The following CELF2 variants were observed in gnomAD, a reference collection of about 807,000 sequenced individuals.
CELF2 encodes the protein CUGBP Elav-like family member 2, also known as CUG triplet repeat RNA-binding protein 2.
CELF2 carries 8 observed loss-of-function variants against 62.6 expected under a neutral mutation model. The observed-to-expected ratio is 0.13, with a 90% CI of 0.07 to 0.23. CELF2 has a LOEUF of 0.23. CELF2 is among the 10% of genes least tolerant of loss of function. The probability of loss-of-function intolerance (pLI) is 1.00; values close to 1 mark genes in which losing one functional copy is unlikely to be tolerated. For synonymous variants in CELF2, 258 were observed against 250.0 expected (o/e 1.03, Z -0.30); for missense variants, 333 against 671.0 (o/e 0.50, Z 5.56).
the CELF2 span, among the ~76,000 whole-genome samples, chr10:10,621,809 A>C: frequency 6.6e-6 from 1 of 152,198 alleles, no homozygotes; most frequent in Non-Finnish European, 1.5e-5. Flanking sequence ...TTGCCATAAG[A>C]GGTAAAATGG....
At chr10:10,563,229 C>T in the CELF2 span, among the ~76,000 whole-genome samples, 1 of 152,116 alleles carries the variant, frequency 6.6e-6, no homozygotes, top group Non-Finnish European at 1.5e-5. Context: ...CCACTGTCCT[C>T]CTAGAAGACA....
At chr10:10,738,511 G>C in the CELF2 span, among the ~76,000 whole-genome samples, 2 of 152,144 alleles carry the variant, frequency 1.3e-5, no homozygotes, top group African/African-American at 4.8e-5. Context: ...TGACGAGAAT[G>C]CCTCTTTATC....
intron 8 of CELF2, among the ~76,000 whole-genome samples, chr10:11,278,388 C>T (rs1429299916): frequency 6.6e-6 from 1 of 151,956 alleles, no homozygotes; most frequent in African/African-American, 2.4e-5. Flanking sequence ...TTTTATTTTC[C>T]CTCTTAAAAC....
chr10:11,303,868 G>C (rs1427595551), intron 9 of CELF2, among the ~76,000 whole-genome samples: 1 of 152,190 alleles, frequency 6.6e-6, no homozygotes, highest in Non-Finnish European at 1.5e-5. Context: ...TGAGAGTTGT[G>C]TGACCTTCCG....
At chr10:11,028,347 C>T (rs2059566582) in intron 1 of CELF2, among the ~76,000 whole-genome samples, 1 of 152,026 alleles carries the variant, frequency 6.6e-6, no homozygotes, top group Admixed American at 6.6e-5. Context: ...AAGGCTGGTT[C>T]TGACATAATG....
chr10:10,873,161 G>A (rs1365312941), intron 1 of CELF2, among the ~76,000 whole-genome samples: 1 of 152,096 alleles, frequency 6.6e-6, no homozygotes, highest in Non-Finnish European at 1.5e-5. Context: ...TGAAATCTAA[G>A]GCTGCTGTAG....
At chr10:10,691,006 AT>A in the CELF2 span, among the ~76,000 whole-genome samples, 25 of 151,714 alleles carry the variant, frequency 1.6e-4, no homozygotes, top group East Asian at 3.7e-3. Context: ...GATTATGGTG[AT>A]TTTTTTTTAT....
At chr10:10,692,947 G>A in the CELF2 span, among the ~76,000 whole-genome samples, 25 of 140,520 alleles carry the variant, frequency 1.8e-4, no homozygotes, top group East Asian at 4.0e-4. Context: ...CAATCAGGTC[G>A]TCTGCAAACA....
At chr10:11,071,279 A>G (rs1377530229) in intron 1 of CELF2, among the ~76,000 whole-genome samples, 2 of 152,200 alleles carry the variant, frequency 1.3e-5, no homozygotes, top group Admixed American at 1.3e-4. Flanking sequence ...GCTCAGGGGC[A>G]TGAAGTTTTA....
At chr10:10,836,023 G>A (rs576784605) in intron 1 of CELF2, among the ~76,000 whole-genome samples, 29 of 152,296 alleles carry the variant, frequency 1.9e-4, no homozygotes, top group African/African-American at 6.0e-4. Flanking sequence ...ACATGTCAGC[G>A]TTGAGATAGT....
At chr10:10,565,195 C>G in the CELF2 span, among the ~76,000 whole-genome samples, 1 of 152,228 alleles carries the variant, frequency 6.6e-6, no homozygotes, top group Non-Finnish European at 1.5e-5. Flanking sequence ...TATCTGAGCA[C>G]TTGAAGTCCC....
intron 1 of CELF2, among the ~76,000 whole-genome samples, chr10:10,832,812 C>A (rs1187853501): frequency 1.3e-5 from 2 of 152,104 alleles, no homozygotes; most frequent in South Asian, 4.2e-4. Flanking sequence ...ATTCATTACA[C>A]TGGAATCGGA....
chr10:10,524,498 A>G, the CELF2 span, among the ~76,000 whole-genome samples: 2 of 151,502 alleles, frequency 1.3e-5, no homozygotes, highest in Non-Finnish European at 2.9e-5. Context: ...GGCCATTTGT[A>G]TGCTATTGCC....
At chr10:10,665,603 T>A in the CELF2 span, among the ~76,000 whole-genome samples, 1 of 152,198 alleles carries the variant, frequency 6.6e-6, no homozygotes, top group Non-Finnish European at 1.5e-5. Context: ...ATTTTGTAGT[T>A]GAAAATAAAG....
At chr10:10,925,903 C>T (rs1297535827) in intron 2 of CELF2, among the ~76,000 whole-genome samples, 1 of 152,184 alleles carries the variant, frequency 6.6e-6, no homozygotes, top group Non-Finnish European at 1.5e-5. Flanking sequence ...ATCACAGCTG[C>T]AGATGGTGAG....
chr10:11,245,041 T>C (rs1371712009), intron 3 of CELF2, among the ~76,000 whole-genome samples: 2 of 152,302 alleles, frequency 1.3e-5, no homozygotes, highest in East Asian at 3.9e-4. Flanking sequence ...CTTCTCATCC[T>C]CCTCTTCCCA....
the CELF2 span, among the ~76,000 whole-genome samples, chr10:10,694,807 CT>C: frequency 2.6e-5 from 4 of 151,738 alleles, no homozygotes; most frequent in African/African-American, 2.4e-5. Context: ...GGTTTAAAGT[CT>C]GTTTTATCAG....
At chr10:11,144,066 C>T (rs2061808249) in intron 1 of CELF2, among the ~76,000 whole-genome samples, 1 of 151,984 alleles carries the variant, frequency 6.6e-6, no homozygotes, top group South Asian at 2.1e-4. Flanking sequence ...TTTGGGTTCA[C>T]TCTCTAGGCC....
In CELF2 at chr10:11,300,452, G is replaced by A. The variant is rs143723482; in HGVS notation, c.976+11900G>A. ...GAGGGGCACCAATGTCTCTGGGGAA[G>A]GTACCCTCTTCCAGGCTGGGAGTGT... is the stretch of plus-strand genomic sequence containing the variant. On this transcript the variant is annotated intron_variant, in intron 9 of 12. Transcript: ENST00000633077. The surrounding 1 kb of genome is among the most constrained non-coding windows in gnomAD (Gnocchi z 5.5). 6.6e-6 allele frequency among the ~76,000 whole-genome samples: 1 copy of A among 152,286 alleles called. No individual in the cohort carries two copies. Among genetic ancestry groups the A allele is most frequent in the African/African-American group, 2.4e-5 (1 of 41,538 alleles).
Sources: allele counts gnomAD v4.1 joint callset (sites outside exome capture counted in the v4.1 genomes callset), GRCh38; gene constraint gnomAD v4.1.1; non-coding constraint Gnocchi (gnomAD v3.1); transcripts MANE v1.5; gene names NCBI Gene and HGNC (gene_info 2026-07-23, HGNC 2026-07-21).